Variants in FAM163A observed in about 807,000 individuals in gnomAD.
FAM163A encodes protein FAM163A.
A neutral mutation model predicts 12.0 loss-of-function variants in FAM163A; 7 were observed. The ratio of observed to expected loss-of-function variants is 0.58; its 90% CI spans 0.33 to 1.10. The LOEUF is 1.10. Among genes scored for constraint, FAM163A ranks in the 50% least tolerant of loss-of-function variants. The probability of loss-of-function intolerance (pLI) is 0.03; values close to 1 mark genes in which losing one functional copy is unlikely to be tolerated. For synonymous variants in FAM163A, 101 were observed against 91.0 expected (o/e 1.11, Z -0.62); for missense variants, 202 against 218.6 (o/e 0.92, Z 0.48).
At chr1:179,793,693 T>G (rs974341292) in intron 1 of FAM163A, among the ~76,000 whole-genome samples, 33 of 152,314 alleles carry the variant, frequency 2.2e-4, no homozygotes, top group African/African-American at 7.7e-4. Flanking sequence ...ACTGGGTGCT[T>G]TTCCATGATT....
rs745779262 is a variant in FAM163A at position 179,814,126 on chromosome 1, G to A, written c.441G>A (p.Val147=). 6.2e-7 allele frequency: 1 copy of A among 1,614,234 alleles called. No homozygotes were observed. The change falls in exon 5 of 5, where the codon GTG becomes GTA. Residue 147 remains valine, a synonymous_variant. Coordinates refer to ENST00000341785, the MANE Select transcript of FAM163A (RefSeq NM_173509.3). The part of the protein sequence containing the change: ...LKLAAPQSYP[V]TWPGSGREAF... ...TGGCAGCACCCCAGAGTTACCCGGT[G>A]ACCTGGCCAGGCTCTGGGCGTGAGG...
At chr1:179,758,420 A>G (rs1046883960) in intron 1 of FAM163A, among the ~76,000 whole-genome samples, 1 of 152,174 alleles carries the variant, frequency 6.6e-6, no homozygotes, top group African/African-American at 2.4e-5. Flanking sequence ...GCTGAGAAAA[A>G]CAACAGAAAG....
Position 179,815,109 on chromosome 1 carries a change from G to GCGCGCGCACACACACACA in FAM163A, c.*921_*922insGCGCGCACACACACACAC, listed in dbSNP as rs1273970601. ...CAGGTGTACGCACGCGCGCGCGCGC[G>GCGCGCGCACACACACACA]CACAGACACACACACACACACACAC... On this transcript the variant is annotated 3_prime_UTR_variant, in exon 5 of 5. Transcript: ENST00000341785. 1 of 67,234 alleles carries GCGCGCGCACACACACACA rather than the reference G, an allele frequency of 1.5e-5. No individual in the cohort carries two copies. Among genetic ancestry groups the GCGCGCGCACACACACACA allele is most frequent in the African/African-American group, 6.3e-5 (1 of 15,780 alleles). The allele number at this position is 67,234 out of a possible 1,614,324, so 4.2% of individuals were successfully genotyped here. A position where few individuals can be genotyped will look rare whatever the true frequency, so the allele number is the denominator to read the frequency against.
At chr1:179,729,974 G>C in the FAM163A span, among the ~76,000 whole-genome samples, 1 of 152,210 alleles carries the variant, frequency 6.6e-6, no homozygotes, top group African/African-American at 2.4e-5. Flanking sequence ...CTGCTGTCAA[G>C]CTCCATTAGG....
At chr1:179,757,704 C>T (rs1184163628) in intron 1 of FAM163A, among the ~76,000 whole-genome samples, 2 of 152,104 alleles carry the variant, frequency 1.3e-5, no homozygotes, top group African/African-American at 4.8e-5. Flanking sequence ...CCCAGCTACT[C>T]AGGAGGCTGA....
intron 3 of FAM163A, 126 bp from the exon 4 acceptor site, chr1:179,812,949 GC>G: frequency 1.2e-6 from 1 of 819,188 alleles, no homozygotes. Context: ...CTGGGGCCTG[GC>G]CCTCCCGGCA....
chr1:179,810,970 C>T (rs1273082638), intron 2 of FAM163A, among the ~76,000 whole-genome samples: 1 of 152,066 alleles, frequency 6.6e-6, no homozygotes, highest in East Asian at 1.9e-4. Context: ...TGGAACCCAG[C>T]AGGCAGAGGT....
At chr1:179,753,901 A>G (rs952048175) in intron 1 of FAM163A, among the ~76,000 whole-genome samples, 1 of 152,232 alleles carries the variant, frequency 6.6e-6, no homozygotes, top group African/African-American at 2.4e-5. Context: ...AGGAATAACC[A>G]TGATACCTAC....
intron 2 of FAM163A, among the ~76,000 whole-genome samples, chr1:179,811,193 G>C (rs1432297485): frequency 6.6e-6 from 1 of 152,198 alleles, no homozygotes. Context: ...TTTATGGGCA[G>C]ATAAATGTAT....
At chr1:179,771,357 G>C (rs1215011572) in intron 1 of FAM163A, among the ~76,000 whole-genome samples, 1 of 152,180 alleles carries the variant, frequency 6.6e-6, no homozygotes, top group Non-Finnish European at 1.5e-5. Context: ...AGCTTTACCT[G>C]TCTGACCTCT....
chr1:179,736,069 T>C, the FAM163A span, among the ~76,000 whole-genome samples: 2 of 152,168 alleles, frequency 1.3e-5, no homozygotes, highest in Admixed American at 6.6e-5. Flanking sequence ...CCTGAAACTA[T>C]AAAACTCCTA....
intron 1 of FAM163A, among the ~76,000 whole-genome samples, chr1:179,797,037 T>G (rs17370290): frequency 0.18 from 27,427 of 152,222 alleles, 2,728 homozygotes; most frequent in Non-Finnish European, 0.23. Flanking sequence ...AGCTGCAGTT[T>G]AGAATCAGCA....
At chr1:179,796,575 G>A (rs1692350536) in intron 1 of FAM163A, among the ~76,000 whole-genome samples, 1 of 152,120 alleles carries the variant, frequency 6.6e-6, no homozygotes, top group Non-Finnish European at 1.5e-5. Flanking sequence ...GGTTCTCCAG[G>A]ATGCTTCTCA....
rs1571618034 is a variant in FAM163A at position 179,814,278 on chromosome 1, T to C, written c.*89T>C. Reference sequence around the variant, plus strand: ...TGAATGACCCTCCAACAGCCCCACATGGGTTGTTTCTGTTTCTTTGGCTTT... The same window carrying C: ...TGAATGACCCTCCAACAGCCCCACACGGGTTGTTTCTGTTTCTTTGGCTTT... On this transcript the variant is annotated 3_prime_UTR_variant, in exon 5 of 5. Coordinates refer to ENST00000341785, the MANE Select transcript of FAM163A (RefSeq NM_173509.3). The C allele has an allele frequency of 2.7e-6, 4 of 1,466,118 alleles. No homozygotes were observed. In the East Asian group the frequency reaches 9.2e-5, roughly 34 times the overall value. 90.8% of individuals were successfully genotyped at this position (1,466,118 alleles called of 1,614,324 possible).
At chr1:179,805,595 C>T (rs1693824867) in intron 1 of FAM163A, among the ~76,000 whole-genome samples, 1 of 152,012 alleles carries the variant, frequency 6.6e-6, no homozygotes, top group Non-Finnish European at 1.5e-5. Context: ...AACGCTCTTA[C>T]TCTGACCGCA....
chr1:179,760,263 C>G (rs1359708715), intron 1 of FAM163A, among the ~76,000 whole-genome samples: 1 of 152,152 alleles, frequency 6.6e-6, no homozygotes. Flanking sequence ...CTGGGACCAC[C>G]TTTACTTTAT....
intron 1 of FAM163A, among the ~76,000 whole-genome samples, chr1:179,776,505 CAG>C (rs1003711300): frequency 3.3e-5 from 5 of 149,528 alleles, no homozygotes; most frequent in Non-Finnish European, 5.9e-5. Flanking sequence ...AAAAAAAAAA[CAG>C]AGAGAGAAAC....
At chr1:179,782,083 G>C (rs1304385429) in intron 1 of FAM163A, among the ~76,000 whole-genome samples, 1 of 152,174 alleles carries the variant, frequency 6.6e-6, no homozygotes, top group Non-Finnish European at 1.5e-5. Flanking sequence ...GCCTCTACCA[G>C]GCTGACTCCT....
chr1:179,806,306 G>A (rs886867442), intron 1 of FAM163A, among the ~76,000 whole-genome samples: 30 of 152,192 alleles, frequency 2.0e-4, no homozygotes, highest in African/African-American at 3.1e-4. Flanking sequence ...ATACCCAGTC[G>A]CATTAAACTC....
Sources: allele counts gnomAD v4.1 joint callset (sites outside exome capture counted in the v4.1 genomes callset), GRCh38; gene constraint gnomAD v4.1.1; transcripts MANE v1.5; gene names NCBI Gene and HGNC (gene_info 2026-07-23, HGNC 2026-07-21).